HIPK1: variants seen among roughly 807,000 people sequenced by gnomAD.
HIPK1 encodes homeodomain-interacting protein kinase 1.
HIPK1 carries 28 observed loss-of-function variants against 117.1 expected under a neutral mutation model. That is an observed-to-expected ratio of 0.24 (90% CI 0.18 to 0.33). HIPK1 has a LOEUF of 0.33. Ranked by LOEUF, HIPK1 falls within the 10% of genes least tolerant of loss-of-function variation. HIPK1 has a pLI of 1.00. For missense variants in HIPK1, 1,122 were observed against 1,475.1 expected, an observed-to-expected ratio of 0.76 and a Z score of 3.92; for synonymous variants, 605 against 562.5, an observed-to-expected ratio of 1.08 and a Z score of -1.07.
chr1:113,939,484 G>T (rs1044568614), intron 1 of HIPK1, among the ~76,000 whole-genome samples: 2 of 151,984 alleles, frequency 1.3e-5, no homozygotes, highest in Non-Finnish European at 2.9e-5. Context: ...GTGGAGGCTC[G>T]TAAGTTTAAT....
chr1:113,933,136 G>A (rs1010413093), intron 1 of HIPK1: 1 of 979,546 alleles, frequency 1.0e-6, no homozygotes, highest in South Asian at 4.7e-5. Context: ...TTCTGTTGCC[G>A]TAGTCATTCC....
At chr1:113,966,543 CT>C (rs1672459738) in intron 11 of HIPK1, among the ~76,000 whole-genome samples, 2 of 152,088 alleles carry the variant, frequency 1.3e-5, no homozygotes, top group South Asian at 4.2e-4. Context: ...ATCCTAAAGC[CT>C]TGTAATCTAG....
At chr1:113,945,980 A>G (rs1443218363) in intron 2 of HIPK1, among the ~76,000 whole-genome samples, 1 of 152,056 alleles carries the variant, frequency 6.6e-6, no homozygotes, top group Non-Finnish European at 1.5e-5. Flanking sequence ...TTATTTCTTT[A>G]TATCTTTTCA....
chr1:113,961,641 C>T (rs1293712509), intron 8 of HIPK1, among the ~76,000 whole-genome samples: 3 of 151,516 alleles, frequency 2.0e-5, no homozygotes, highest in African/African-American at 7.3e-5. Context: ...TTTTTTCCAC[C>T]TAGTGGATTA....
intron 1 of HIPK1, among the ~76,000 whole-genome samples, chr1:113,940,130 A>C (rs909206124): frequency 1.3e-5 from 2 of 152,018 alleles, no homozygotes; most frequent in African/African-American, 4.8e-5. Context: ...TTTATCTTAA[A>C]ATGTGGTAGA....
chr1:113,937,018 C>T (rs1390878626), intron 1 of HIPK1, among the ~76,000 whole-genome samples: 3 of 152,218 alleles, frequency 2.0e-5, no homozygotes, highest in African/African-American at 7.2e-5. Context: ...TTAATAGGTG[C>T]ATTTTGTAAA....
chr1:113,967,590 A>C (rs1464905227), intron 11 of HIPK1, among the ~76,000 whole-genome samples, 176 bp from the exon 12 acceptor site: 2 of 152,112 alleles, frequency 1.3e-5, no homozygotes, highest in African/African-American at 4.8e-5. Context: ...TTTTTTCCAT[A>C]GAGTTGTTTG....
At chr1:113,960,730 T>C (rs1009597385) in intron 8 of HIPK1, among the ~76,000 whole-genome samples, 1 of 152,182 alleles carries the variant, frequency 6.6e-6, no homozygotes, top group Non-Finnish European at 1.5e-5. Context: ...GATATATGAA[T>C]TTGTTACTTT....
chr1:113,942,036 C>T (rs1670678835), intron 2 of HIPK1, among the ~76,000 whole-genome samples: 2 of 151,622 alleles, frequency 1.3e-5, no homozygotes, highest in African/African-American at 2.4e-5. Context: ...GCTGGGATTA[C>T]AGGCGTGAGC....
intron 10 of HIPK1, 80 bp downstream of exon 10, chr1:113,963,601 T>G (rs1672267183): frequency 4.0e-6 from 6 of 1,510,718 alleles, no homozygotes; most frequent in Middle Eastern, 1.9e-4. Flanking sequence ...TTTGTTTTTG[T>G]TCTGTTTTTT....
intron 1 of HIPK1, among the ~76,000 whole-genome samples, chr1:113,938,660 G>A (rs138236138): frequency 0.01 from 1,582 of 151,944 alleles, 34 homozygotes; most frequent in African/African-American, 0.036. Context: ...TGTAATCCCA[G>A]CACTTTGGGA....
intron 13 of HIPK1, 98 bp downstream of exon 13, chr1:113,968,746 C>T (rs1672627892): frequency 3.2e-6 from 3 of 926,796 alleles, no homozygotes; most frequent in Non-Finnish European, 5.2e-6. Flanking sequence ...ACCGGTGGGG[C>T]ATGGTGGCTC....
intron 13 of HIPK1, among the ~76,000 whole-genome samples, chr1:113,969,380 A>G (rs1324907668): frequency 6.6e-6 from 1 of 152,124 alleles, no homozygotes; most frequent in African/African-American, 2.4e-5. Flanking sequence ...GACCCTGGGC[A>G]AGTTCCTCAT....
chr1:113,953,672 C>G (rs1442010202), intron 3 of HIPK1, among the ~76,000 whole-genome samples: 1 of 152,168 alleles, frequency 6.6e-6, no homozygotes, highest in African/African-American at 2.4e-5. Context: ...TGCCTGCCAC[C>G]ATGACCAACT....
intron 12 of HIPK1, 85 bp downstream of exon 12, chr1:113,968,033 T>C (rs1216908612): frequency 1.1e-5 from 13 of 1,198,920 alleles, no homozygotes; most frequent in East Asian, 2.5e-5. Flanking sequence ...TATAGACATA[T>C]AATATAGATA....
At chr1:113,940,297 A>AGT (rs537268445) in intron 1 of HIPK1, 85 bp from the exon 2 acceptor site, 66 of 1,169,356 alleles carry the variant, frequency 5.6e-5, no homozygotes, top group Middle Eastern at 4.1e-4. Flanking sequence ...ATCAAGTAAA[A>AGT]GTGTGTGTGT....
Position 113,940,765 on chromosome 1 carries a change from G to A in HIPK1, c.382G>A (p.Glu128Lys), listed in dbSNP as rs1670595704. ...AAAATGTGGATTGAAACGAAAAAGT[G>A]AGGAAGTTGACAGCAACGGTAGTGT... ...YQKCGLKRKS[E>K]EVDSNGSVQI... is the part of the protein sequence containing the mutation. The change falls in exon 2 of 16, where the codon GAG (glutamate) becomes AAG (lysine). Residue 128 changes from glutamate to lysine, a missense_variant. Physicochemically the swap from Glu to Lys is moderately conservative, Grantham distance 56. Transcript: ENST00000426820. 1 of 1,614,108 alleles carries A rather than the reference G, an allele frequency of 6.2e-7. No individual in the cohort carries two copies.
intron 2 of HIPK1, among the ~76,000 whole-genome samples, chr1:113,948,151 A>T (rs959096079): frequency 1.3e-5 from 2 of 152,216 alleles, no homozygotes; most frequent in Non-Finnish European, 2.9e-5. Flanking sequence ...GTGATGCCTT[A>T]CTGTTCAGTA....
At position 113,939,716 on chromosome 1, in the gene HIPK1, C is replaced by T. The variant is rs150616587; in HGVS notation, c.-2-666C>T. ...TATAGAGCCCCAAGGCATATGAGAT[C>T]GGATGGTTGAAAATGGAGAAGATAA... On this transcript the variant is annotated intron_variant, in intron 1 of 15. Coordinates refer to ENST00000426820, the MANE Select transcript of HIPK1 (RefSeq NM_198268.3). Among the ~76,000 whole-genome samples the T allele has an allele frequency of 6.7e-3, 1,019 of 152,062 alleles. 2 individuals carry two copies. Among genetic ancestry groups the T allele is most frequent in the Non-Finnish European group, 0.012 (789 of 68,004 alleles).
Sources: allele counts gnomAD v4.1 joint callset (sites outside exome capture counted in the v4.1 genomes callset), GRCh38; gene constraint gnomAD v4.1.1; transcripts MANE v1.5; gene names NCBI Gene and HGNC (gene_info 2026-07-23, HGNC 2026-07-21).